The following ARID4A variants were observed in gnomAD, a reference collection of about 807,000 sequenced individuals.
The protein encoded by ARID4A is AT-rich interaction domain 4A.
ARID4A carries 39 observed loss-of-function variants against 148.6 expected under a neutral mutation model. The observed-to-expected ratio is 0.26, with a 90% CI of 0.20 to 0.34. ARID4A has a LOEUF of 0.34. Ranked by LOEUF, ARID4A falls within the 10% of genes least tolerant of loss-of-function variation. The pLI, the probability that ARID4A is intolerant of heterozygous loss-of-function variation, is 1.00. For missense variants in ARID4A, 1,265 were observed against 1,449.1 expected (o/e 0.87, Z 2.06); for synonymous variants, 475 against 481.2 (o/e 0.99, Z 0.17).
intron 5 of ARID4A, among the ~76,000 whole-genome samples, chr14:58,306,675 C>T (rs989384463): frequency 2.0e-5 from 3 of 152,048 alleles, no homozygotes; most frequent in East Asian, 3.9e-4. Flanking sequence ...GTCAGAAGTT[C>T]GAGACCAGCC....
chr14:58,371,384 TC>T (rs2035607456), intron 23 of ARID4A, among the ~76,000 whole-genome samples: 1 of 152,192 alleles, frequency 6.6e-6, no homozygotes. Context: ...CTGTGTTATG[TC>T]CTCCTGGAGA....
chr14:58,364,608 C>A lies in ARID4A; in HGVS notation c.2519C>A (p.Ser840Tyr). ...TCATTAGACAATAAAAACTTTTCTT[C>A]TGCTACAGAAGATGAAATTGACCAA... Reference protein sequence around the residue: ...LSSLDNKNFSSATEDEIDQCV... With the variant: ...LSSLDNKNFSYATEDEIDQCV... Residue 840 changes from serine to tyrosine, a missense_variant, in exon 20 of 24, where the codon TCT becomes TAT. By Grantham distance (144) the Ser-to-Tyr change is moderately radical. Around this residue, in one of 9 missense-constraint regions of ARID4A, gnomAD observed 666 missense variants for 730.9 expected, o/e 0.91. Coordinates refer to ENST00000355431, the MANE Select transcript of ARID4A (RefSeq NM_002892.4). 1 of 1,613,406 alleles carries A rather than the reference C, an allele frequency of 6.2e-7. No homozygotes were observed. Among genetic ancestry groups the A allele is most frequent in the Non-Finnish European group, 8.5e-7 (1 of 1,179,852 alleles).
chr14:58,344,064 G>C (rs1377422750), intron 11 of ARID4A, among the ~76,000 whole-genome samples: 1 of 152,044 alleles, frequency 6.6e-6, no homozygotes, highest in Non-Finnish European at 1.5e-5. Context: ...GCAAAGTCAA[G>C]TACAGGGGCC....
intron 23 of ARID4A, among the ~76,000 whole-genome samples, chr14:58,370,318 C>T (rs1481433640): frequency 6.6e-6 from 1 of 152,220 alleles, no homozygotes; most frequent in Non-Finnish European, 1.5e-5. Flanking sequence ...TTTGTTGAGA[C>T]AGAGTTTCAC....
rs148677686 is a variant in ARID4A, at chr14:58,351,277, G to A, written c.1609G>A (p.Asp537Asn). Residue 537 changes from aspartate to asparagine, a missense_variant, in exon 16 of 24, where the codon GAT becomes AAT. Transcript: ENST00000355431. ...QKEKKIKKQE[D>N]SDKDSDEEEE... The stretch of plus-strand genomic sequence containing the variant: ...AGAGAAGAAAATTAAAAAACAGGAG[G>A]ATTCTGACAAAGACTCAGATGAAGA... 1 of 1,609,882 alleles carries A rather than the reference G, an allele frequency of 6.2e-7. No individual in the cohort carries two copies. Among genetic ancestry groups the A allele is most frequent in the South Asian group, 1.1e-5 (1 of 89,832 alleles).
intron 3 of ARID4A, chr14:58,303,777 T>G (rs1566663843): frequency 4.2e-6 from 1 of 239,856 alleles, no homozygotes; most frequent in East Asian, 9.2e-5. Context: ...ATCCAGTAAT[T>G]GTGTTTTAAT....
In ARID4A at chr14:58,366,956, T is replaced by C. The variant is rs747915332; in HGVS notation, c.3597T>C (p.Tyr1199=). 5.3e-6 allele frequency: 8 copies of C among 1,518,574 alleles called. No individual in the cohort carries two copies. Among genetic ancestry groups the C allele is most frequent in the Non-Finnish European group, 7.0e-6 (8 of 1,142,922 alleles). The allele number at this position is 1,518,574 out of a possible 1,614,324, so 94.1% of individuals were successfully genotyped here. A position where few individuals can be genotyped will look rare whatever the true frequency, so the allele number is the denominator to read the frequency against. Residue 1199 remains tyrosine, a synonymous_variant, in exon 23 of 24, where the codon TAT becomes TAC. Coordinates refer to ENST00000355431, the MANE Select transcript of ARID4A (RefSeq NM_002892.4). The stretch of plus-strand genomic sequence containing the variant: ...AAAAACTACAGGAAATCAGAAAATA[T>C]TATATGTCTTTGAAGTCTGAAGTTG... ...LQEKLQEIRK[Y]YMSLKSEVAT...
intron 11 of ARID4A, among the ~76,000 whole-genome samples, chr14:58,332,998 TTAA>T (rs1168941015): frequency 2.0e-5 from 3 of 152,132 alleles, no homozygotes; most frequent in Admixed American, 1.3e-4. Context: ...TTAACTAGCC[TTAA>T]TAAGGAGATT....
intron 5 of ARID4A, among the ~76,000 whole-genome samples, chr14:58,317,581 C>T (rs1481021548): frequency 3.3e-5 from 5 of 149,976 alleles, no homozygotes; most frequent in Non-Finnish European, 4.4e-5. Flanking sequence ...TGAGCCACCG[C>T]GCCTGGCCTA....
At chr14:58,324,371 G>A (rs539868670) in intron 8 of ARID4A, among the ~76,000 whole-genome samples, 23 of 152,192 alleles carry the variant, frequency 1.5e-4, no homozygotes, top group Admixed American at 1.4e-3. Context: ...AGCCTTTTGG[G>A]CTCAGGCGTT....
Position 58,372,285 on chromosome 14 carries a change from G to A in ARID4A, c.*296G>A, listed in dbSNP as rs1246544043. The A allele has an allele frequency of 1.6e-5, 5 of 317,762 alleles. No homozygotes were observed. The East Asian group carries it at 2.6e-4, about 16-fold the overall frequency. The allele number at this position is 317,762 out of a possible 1,614,324, so 19.7% of individuals were successfully genotyped here. On this transcript the variant is annotated 3_prime_UTR_variant, in exon 24 of 24. Transcript: ENST00000355431. ...AAGGGCACTTAGCAAATTTGAATTTGTATAATAAAGCTTTCAGGTGTTACA... is the reference window on the plus strand; with the variant it reads ...AAGGGCACTTAGCAAATTTGAATTTATATAATAAAGCTTTCAGGTGTTACA...
intron 6 of ARID4A, 33 bp from the exon 7 acceptor site, chr14:58,318,678 A>G (rs544853427): frequency 3.7e-5 from 60 of 1,613,050 alleles, no homozygotes; most frequent in Non-Finnish European, 4.8e-5. Flanking sequence ...TCTAGAGGTA[A>G]AACGTAATTT....
At chr14:58,358,687 T>C (rs1355248176) in intron 17 of ARID4A, among the ~76,000 whole-genome samples, 2 of 152,142 alleles carry the variant, frequency 1.3e-5, no homozygotes, top group Admixed American at 6.6e-5. Flanking sequence ...GAAGTTGAAA[T>C]GGACTTGATA....
At chr14:58,321,468 G>A (rs558479660) in intron 7 of ARID4A, among the ~76,000 whole-genome samples, 2 of 152,140 alleles carry the variant, frequency 1.3e-5, no homozygotes, top group African/African-American at 2.4e-5. Context: ...TTTTGATATG[G>A]CCTCACCATT....
chr14:58,370,359 C>G (rs1446290668), intron 23 of ARID4A, among the ~76,000 whole-genome samples: 1 of 152,094 alleles, frequency 6.6e-6, no homozygotes, highest in Non-Finnish European at 1.5e-5. Flanking sequence ...TGCAATGGCA[C>G]AGTCTTGGCT....
At chr14:58,363,628 G>A (rs902817639) in intron 19 of ARID4A, among the ~76,000 whole-genome samples, 2 of 151,930 alleles carry the variant, frequency 1.3e-5, no homozygotes, top group African/African-American at 2.4e-5. Context: ...TCCAGGAGGC[G>A]GAGCTTGCAG....
intron 7 of ARID4A, among the ~76,000 whole-genome samples, chr14:58,321,511 A>G (rs761746898): frequency 5.9e-5 from 9 of 152,148 alleles, no homozygotes; most frequent in Admixed American, 2.0e-4. Context: ...TGGCATGACA[A>G]GGTATCCTAG....
At chr14:58,303,594 G>T in intron 3 of ARID4A, 2 of 469,910 alleles carry the variant, frequency 4.3e-6, no homozygotes, top group South Asian at 3.1e-5. Context: ...AACACATAGA[G>T]TAGTGCCTGA....
chr14:58,358,817 G>A (rs1423224243), intron 17 of ARID4A, among the ~76,000 whole-genome samples: 1 of 152,144 alleles, frequency 6.6e-6, no homozygotes, highest in African/African-American at 2.4e-5. Context: ...ATAAGCTCAG[G>A]TCTGTAAAAG....
Sources: allele counts gnomAD v4.1 joint callset (sites outside exome capture counted in the v4.1 genomes callset), GRCh38; gene constraint gnomAD v4.1.1; regional missense constraint gnomAD v4.1.1; transcripts MANE v1.5; gene names NCBI Gene and HGNC (gene_info 2026-07-23, HGNC 2026-07-21).